PRKAG2: variants seen among roughly 807,000 people sequenced by gnomAD.
The protein encoded by PRKAG2 is 5'-AMP-activated protein kinase subunit gamma-2.
Under a neutral mutation model 69.6 loss-of-function variants are expected in PRKAG2, and 26 were observed. The observed-to-expected ratio is 0.37, with a 90% confidence interval of 0.27 to 0.52. PRKAG2 has a LOEUF of 0.52. Among genes scored for constraint, PRKAG2 ranks in the 20% least tolerant of loss-of-function variants. PRKAG2 has a pLI of 0.90. For synonymous variants in PRKAG2, 293 were observed against 285.0 expected, an observed-to-expected ratio of 1.03 and a Z score of -0.28; for missense variants, 557 against 740.0, an observed-to-expected ratio of 0.75 and a Z score of 2.87.
intron 4 of PRKAG2, among the ~76,000 whole-genome samples, chr7:151,654,909 T>C (rs1585529472): frequency 6.6e-6 from 1 of 152,218 alleles, no homozygotes; most frequent in Admixed American, 6.5e-5. Flanking sequence ...GCCAGGCTGG[T>C]CTCGAAATCC....
chr7:151,711,131 G>C (rs916205800), intron 3 of PRKAG2, among the ~76,000 whole-genome samples: 1 of 151,884 alleles, frequency 6.6e-6, no homozygotes, highest in Non-Finnish European at 1.5e-5. Flanking sequence ...TGAGTGCTAG[G>C]CTGAGAGTAC....
intron 5 of PRKAG2, among the ~76,000 whole-genome samples, chr7:151,621,772 G>A (rs1462873639): frequency 2.0e-5 from 3 of 151,792 alleles, no homozygotes; most frequent in African/African-American, 7.3e-5. Context: ...ATGGGGTTTC[G>A]CCATGGTGCC....
Position 151,585,699 on chromosome 7 carries a change from A to G in PRKAG2, c.865-9247T>C, listed in dbSNP as rs113630556. Among the ~76,000 whole-genome samples, 1,348 of 152,360 alleles carry G rather than the reference A, an allele frequency of 8.8e-3. 29 individuals carry two copies. Among genetic ancestry groups the G allele is most frequent in the African/African-American group, 0.031 (1,288 of 41,584 alleles). The stretch of plus-strand genomic sequence containing the variant: ...CCACCTGGTTTCAAGTCATCTGTAA[A>G]TTAGATGATGCCATCAATGAAATCA... On this transcript the variant is annotated intron_variant, in intron 6 of 15. Coordinates refer to ENST00000287878, the MANE Select transcript of PRKAG2 (RefSeq NM_016203.4).
At chr7:151,808,952 G>A (rs1053397148) in intron 1 of PRKAG2, among the ~76,000 whole-genome samples, 5 of 152,158 alleles carry the variant, frequency 3.3e-5, no homozygotes, top group Non-Finnish European at 7.4e-5. Context: ...GTGGGAGCAC[G>A]GTTCTCTCCC....
intron 1 of PRKAG2, 66 bp downstream of exon 1, chr7:151,876,441 G>T: frequency 6.7e-7 from 1 of 1,495,994 alleles, no homozygotes. Context: ...AGCGTTAACC[G>T]CTTCGGCGCC....
chr7:151,876,421 C>CG, intron 1 of PRKAG2, 86 bp downstream of exon 1: 2 of 1,327,520 alleles, frequency 1.5e-6, no homozygotes, highest in Non-Finnish European at 2.1e-6. Flanking sequence ...ACGGCGCGCG[C>CG]GGGGCGTCCA....
intron 4 of PRKAG2, among the ~76,000 whole-genome samples, chr7:151,671,866 A>G (rs1217354799): frequency 6.6e-6 from 1 of 152,220 alleles, no homozygotes; most frequent in Non-Finnish European, 1.5e-5. Flanking sequence ...ATTCTCTTCC[A>G]TTCCTTGAAA....
chr7:151,729,002 G>A (rs1033733939), intron 3 of PRKAG2, among the ~76,000 whole-genome samples: 14 of 152,102 alleles, frequency 9.2e-5, no homozygotes, highest in Admixed American at 2.0e-4. Flanking sequence ...GGTGACAGCC[G>A]CCTGGCCTGC....
chr7:151,584,977 T>C (rs1811302684), intron 6 of PRKAG2, among the ~76,000 whole-genome samples: 1 of 152,146 alleles, frequency 6.6e-6, no homozygotes, highest in African/African-American at 2.4e-5. Context: ...TGTCAGGTTC[T>C]AGCGGGACGT....
intron 1 of PRKAG2, among the ~76,000 whole-genome samples, chr7:151,845,755 G>A (rs1288270776): frequency 1.3e-5 from 2 of 152,186 alleles, no homozygotes; most frequent in African/African-American, 2.4e-5. Flanking sequence ...AAAACACTGC[G>A]GGGGCGGGAA....
intron 4 of PRKAG2, among the ~76,000 whole-genome samples, chr7:151,656,958 G>A (rs1829518442): frequency 6.6e-6 from 1 of 152,122 alleles, no homozygotes; most frequent in Non-Finnish European, 1.5e-5. Context: ...CCAACATGGT[G>A]AAACCCCATC....
At chr7:151,588,833 A>C (rs1318386438) in intron 6 of PRKAG2, among the ~76,000 whole-genome samples, 1 of 152,168 alleles carries the variant, frequency 6.6e-6, no homozygotes, top group Non-Finnish European at 1.5e-5. Context: ...ACCCAGTCTC[A>C]GGTATGTCTT....
intron 3 of PRKAG2, among the ~76,000 whole-genome samples, chr7:151,747,545 A>G (rs2074363927): frequency 6.8e-6 from 1 of 147,382 alleles, no homozygotes; most frequent in Non-Finnish European, 1.5e-5. Context: ...TGATAGAGAG[A>G]GACTCCGTCT....
chr7:151,588,954 A>G (rs1812368543), intron 6 of PRKAG2, among the ~76,000 whole-genome samples: 1 of 152,172 alleles, frequency 6.6e-6, no homozygotes, highest in Admixed American at 6.5e-5. Flanking sequence ...TGTGCCAGTC[A>G]TGAAGTTACT....
chr7:151,581,799 T>C (rs532843768), intron 6 of PRKAG2, among the ~76,000 whole-genome samples: 1 of 152,158 alleles, frequency 6.6e-6, no homozygotes, highest in Non-Finnish European at 1.5e-5. Context: ...TCAAATATGA[T>C]GATTATTACT....
In PRKAG2 at chr7:151,850,434, C is replaced by T. The variant is rs116439189; in HGVS notation, c.114+26073G>A. On this transcript the variant is annotated intron_variant, in intron 1 of 15. Transcript: ENST00000287878. This position sits in a 1 kb window ranked among gnomAD's most constrained non-coding sequence, Gnocchi z 4.1. ...AATGAACAGGAGGCAGAAGGGCAAC[C>T]TGTCCCATGCTCTGCCTCGAAGCAC... Among the ~76,000 whole-genome samples, 4,146 of 152,338 alleles carry T rather than the reference C, an allele frequency of 0.027. 181 individuals carry two copies. Among genetic ancestry groups the T allele is most frequent in the African/African-American group, 0.093 (3,868 of 41,556 alleles).
intron 3 of PRKAG2, among the ~76,000 whole-genome samples, chr7:151,747,290 C>A (rs1260088499): frequency 6.6e-6 from 1 of 152,186 alleles, no homozygotes. Context: ...AAACTGTTGG[C>A]TCTCGCCAGT....
rs989617677 is a variant in PRKAG2 at position 151,850,158 on chromosome 7, G to T, written c.114+26349C>A. Among the ~76,000 whole-genome samples, 1 of 152,150 alleles carries T rather than the reference G, an allele frequency of 6.6e-6. No individual in the cohort carries two copies. Among genetic ancestry groups the T allele is most frequent in the Non-Finnish European group, 1.5e-5 (1 of 68,034 alleles). ...GTCTGCAGAAAGAAGCGGGAGGGGG[G>T]TGCAGGGGAACCGTAGCACCAATTA... On this transcript the variant is annotated intron_variant, in intron 1 of 15. Transcript: ENST00000287878. The surrounding 1 kb of genome is among the most constrained non-coding windows in gnomAD (Gnocchi z 4.1).
At chr7:151,806,643 G>A (rs1167768571) in intron 1 of PRKAG2, 2 of 185,840 alleles carry the variant, frequency 1.1e-5, no homozygotes, top group African/African-American at 4.8e-5. Flanking sequence ...AATGGGAGGA[G>A]ACAGAAGGAG....
Sources: gnomAD v4.1 joint callset for allele counts (sites outside exome capture counted in the v4.1 genomes callset) on GRCh38, gnomAD v4.1.1 for gene constraint, Gnocchi (gnomAD v3.1) non-coding constraint, MANE v1.5 for transcripts, NCBI Gene and HGNC (gene_info 2026-07-23, HGNC 2026-07-21) for gene names.